Variants in SMTN observed in about 807,000 individuals in gnomAD.
SMTN encodes the protein smoothelin.
In SMTN, 58 loss-of-function variants were observed where a neutral mutation model predicts 102.0. That is an observed-to-expected ratio of 0.57 (90% CI 0.46 to 0.71). SMTN has a LOEUF of 0.71. Among genes scored for constraint, SMTN ranks in the 30% least tolerant of loss-of-function variants. SMTN has a pLI of 0.00. For synonymous variants in SMTN, 478 were observed against 497.9 expected (o/e 0.96, Z 0.53); for missense variants, 1,185 against 1,241.7 (o/e 0.95, Z 0.69).
intron 11 of SMTN, among the ~76,000 whole-genome samples, chr22:31,094,715 T>C (rs1189312550): frequency 1.3e-5 from 2 of 150,608 alleles, no homozygotes; most frequent in African/African-American, 2.4e-5. Flanking sequence ...AGGGTCTTAC[T>C]CTCTTGCCCA....
At chr22:31,074,840 T>A (rs2147495984) in intron 1 of SMTN, among the ~76,000 whole-genome samples, 1 of 152,030 alleles carries the variant, frequency 6.6e-6, no homozygotes, top group South Asian at 2.1e-4. Flanking sequence ...AAAACACAGG[T>A]GCTGGAAGAG....
At chr22:31,091,868 C>T in intron 11 of SMTN, 21 bp downstream of exon 11, 1 of 1,540,900 alleles carries the variant, frequency 6.5e-7, no homozygotes, top group Non-Finnish European at 8.8e-7. Flanking sequence ...CCTCACCCCA[C>T]CAGCCTCACC....
chr22:31,082,910 G>T, intron 1 of SMTN: 1 of 1,548,302 alleles, frequency 6.5e-7, no homozygotes, highest in Non-Finnish European at 8.7e-7. Flanking sequence ...CTGTTTTGAG[G>T]TTTAGACAGG....
intron 13 of SMTN, 123 bp from the exon 14 acceptor site, chr22:31,096,610 G>A: frequency 1.9e-5 from 20 of 1,037,078 alleles, no homozygotes; most frequent in Non-Finnish European, 2.6e-5. Flanking sequence ...CTTGTTACCT[G>A]TGTCATTCAT....
chr22:31,088,447 C>T, intron 3 of SMTN, 66 bp from the exon 4 acceptor site: 1 of 1,438,174 alleles, frequency 7.0e-7, no homozygotes. Context: ...CTGGCTCCTA[C>T]CCTTAGCCCA....
In SMTN at chr22:31,088,979, G is replaced by A; in HGVS notation, c.471+10G>A. The A allele has an allele frequency of 6.2e-7, 1 of 1,606,942 alleles. No homozygotes were observed. Among genetic ancestry groups the A allele is most frequent in the Non-Finnish European group, 8.5e-7 (1 of 1,174,160 alleles). On this transcript the variant is annotated intron_variant, in intron 6 of 20. Transcript: ENST00000333137. ...GCTGGAACAGTGTGAGGTAAGGAGG[G>A]TGGGAGAGTGGCCCAGTGTCCTGTG... is the stretch of plus-strand genomic sequence containing the variant.
chr22:31,100,855 C>CCCCCCCAA, intron 19 of SMTN, 30 bp from the exon 20 acceptor site: 1 of 1,091,704 alleles, frequency 9.2e-7, no homozygotes, highest in Non-Finnish European at 1.3e-6. Context: ...CCCCGTCCCC[C>CCCCCCCAA]ACCCCTTCCC....
intron 11 of SMTN, among the ~76,000 whole-genome samples, chr22:31,094,928 C>T (rs908170510): frequency 6.6e-6 from 1 of 152,048 alleles, no homozygotes; most frequent in Non-Finnish European, 1.5e-5. Context: ...ACAAGTGATC[C>T]CTCCCACCTC....
chr22:31,085,291 G>T, intron 2 of SMTN: 1 of 1,494,542 alleles, frequency 6.7e-7, no homozygotes, highest in Non-Finnish European at 8.9e-7. Context: ...CGCGAGGCAG[G>T]GTGGGCGAGG....
intron 1 of SMTN, among the ~76,000 whole-genome samples, chr22:31,074,224 T>C (rs190487752): frequency 6.6e-6 from 1 of 151,362 alleles, no homozygotes; most frequent in East Asian, 2.0e-4. Flanking sequence ...TCCATCTCTA[T>C]AAAAATTAGT....
At chr22:31,065,396 T>C (rs1490043395) in intron 1 of SMTN, 1 of 152,140 alleles carries the variant, frequency 6.6e-6, no homozygotes, top group Non-Finnish European at 1.5e-5. Context: ...TCACCCAGGG[T>C]GGAGTGCAGT....
chr22:31,069,170 A>T (rs780213013), intron 1 of SMTN, among the ~76,000 whole-genome samples: 2 of 152,114 alleles, frequency 1.3e-5, no homozygotes, highest in Non-Finnish European at 2.9e-5. Flanking sequence ...CTCCAGAAGG[A>T]GGGGTTATTA....
At chr22:31,099,040 G>C in intron 17 of SMTN, 22 bp from the exon 18 acceptor site, 3 of 1,603,806 alleles carry the variant, frequency 1.9e-6, no homozygotes, top group Non-Finnish European at 2.6e-6. Flanking sequence ...CGTGTGACCT[G>C]GTCCTGACAC....
In SMTN at chr22:31,104,468, C is replaced by T. The variant is rs1450594805; in HGVS notation, c.*173C>T. ...CGCCTGCGCGGCAAGAATGTCTAGC[C>T]TGCCCGCCCGCATGGCCAGCCAGTG... On this transcript the variant is annotated 3_prime_UTR_variant, in exon 21 of 21. Transcript: ENST00000333137. 2 of 1,612,450 alleles carry T rather than the reference C, an allele frequency of 1.2e-6. No homozygotes were observed. Among genetic ancestry groups the T allele is most frequent in the Non-Finnish European group, 1.7e-6 (2 of 1,179,856 alleles).
chr22:31,096,781 G>C lies in SMTN; in HGVS notation c.1910G>C (p.Arg637Pro), dbSNP rs777851029. The C allele has an allele frequency of 7.7e-6, 12 of 1,563,496 alleles. No individual in the cohort carries two copies. The East Asian group carries it at 2.5e-4, about 32-fold the overall frequency. The change falls in exon 14 of 21, where the codon CGG (arginine) becomes CCG (proline). Residue 637 changes from arginine to proline, a missense_variant. Arg to Pro is a moderately radical substitution (Grantham distance 103). This residue lies in a region of SMTN where 1,096 missense variants were observed against 1,112.7 expected (regional missense o/e 0.98). Coordinates refer to ENST00000333137, the MANE Select transcript of SMTN (RefSeq NM_134269.3). The part of the protein sequence containing the change: ...RERRLQEARG[R>P]PGEGRGNTAT... ...CGGCGGCTGCAGGAGGCACGGGGCC[G>C]GCCAGGGGAGGGGCGCGGCAACACA... is the stretch of plus-strand genomic sequence containing the variant.
intron 1 of SMTN, among the ~76,000 whole-genome samples, chr22:31,073,689 T>C (rs1465278247): frequency 2.0e-5 from 3 of 152,206 alleles, no homozygotes; most frequent in Non-Finnish European, 4.4e-5. Flanking sequence ...TCAGCATTAA[T>C]TACACTGAAT....
At chr22:31,088,434 G>C in intron 3 of SMTN, 79 bp from the exon 4 acceptor site, 1 of 1,301,968 alleles carries the variant, frequency 7.7e-7, no homozygotes, top group Non-Finnish European at 1.1e-6. Flanking sequence ...TGGGTACTCT[G>C]TTCTGGCTCC....
At chr22:31,086,726 C>T (rs570085665) in intron 2 of SMTN, among the ~76,000 whole-genome samples, 23 of 152,346 alleles carry the variant, frequency 1.5e-4, no homozygotes, top group African/African-American at 4.8e-4. Context: ...GGGCTCTGGC[C>T]TGAGTTTCAG....
intron 1 of SMTN, among the ~76,000 whole-genome samples, chr22:31,073,653 C>T (rs1350643235): frequency 6.6e-6 from 1 of 152,182 alleles, no homozygotes; most frequent in African/African-American, 2.4e-5. Context: ...GGTTAAACCA[C>T]TGAGATATTT....
Sources: gnomAD v4.1 joint callset for allele counts (sites outside exome capture counted in the v4.1 genomes callset) on GRCh38, gnomAD v4.1.1 for gene constraint, gnomAD v4.1.1 regional missense constraint, MANE v1.5 for transcripts, NCBI Gene and HGNC (gene_info 2026-07-23, HGNC 2026-07-21) for gene names.